Variants in FRMD3 observed in about 807,000 individuals in gnomAD.
FRMD3 encodes the protein FERM domain containing 3.
FRMD3 carries 33 observed loss-of-function variants against 70.2 expected under a neutral mutation model. The ratio of observed to expected loss-of-function variants is 0.47; its 90% CI spans 0.36 to 0.63. The LOEUF (loss-of-function observed/expected upper bound fraction) is 0.63, where lower values mean the gene tolerates loss of function less well. Among genes scored for constraint, FRMD3 ranks in the 20% least tolerant of loss-of-function variants. The pLI is 0.00. For missense variants in FRMD3, 632 were observed against 711.4 expected (o/e 0.89, Z 1.27); for synonymous variants, 279 against 255.9 (o/e 1.09, Z -0.86).
At position 83,246,819 on chromosome 9, in the gene FRMD3, G is replaced by A. The variant is rs1832128513; in HGVS notation, c.*1099C>T. On this transcript the variant is annotated 3_prime_UTR_variant, in exon 14 of 14. Coordinates refer to ENST00000304195, the MANE Select transcript of FRMD3 (RefSeq NM_174938.6). ...ACTTAAACATGTTCATGTTAACTCAGACAGCGACTGCACTGCTCTTCACAT... is the reference window on the plus strand; with the variant it reads ...ACTTAAACATGTTCATGTTAACTCAAACAGCGACTGCACTGCTCTTCACAT... 2.0e-6 allele frequency: 2 copies of A among 985,024 alleles called. No individual in the cohort carries two copies. Among genetic ancestry groups the A allele is most frequent in the South Asian group, 9.4e-5 (2 of 21,280 alleles). The allele number at this position is 985,024 out of a possible 1,614,324, so 61.0% of individuals were successfully genotyped here.
At chr9:83,450,658 A>G (rs1013914798) in intron 1 of FRMD3, among the ~76,000 whole-genome samples, 1 of 152,166 alleles carries the variant, frequency 6.6e-6, no homozygotes, top group African/African-American at 2.4e-5. Flanking sequence ...TGGAAAGGGA[A>G]GGCTCTGACT....
intron 1 of FRMD3, among the ~76,000 whole-genome samples, chr9:83,513,555 A>C (rs1452811227): frequency 6.6e-6 from 1 of 152,248 alleles, no homozygotes; most frequent in Non-Finnish European, 1.5e-5. Context: ...CTTTTGCTTA[A>C]TCATTATATG....
chr9:83,322,792 C>T (rs1835852293), intron 6 of FRMD3, among the ~76,000 whole-genome samples: 1 of 152,200 alleles, frequency 6.6e-6, no homozygotes, highest in Non-Finnish European at 1.5e-5. Flanking sequence ...GCTGGGCAAG[C>T]TGCCTCGAAC....
intron 1 of FRMD3, among the ~76,000 whole-genome samples, chr9:83,433,448 C>T (rs1372297588): frequency 7.9e-5 from 12 of 152,202 alleles, no homozygotes. Context: ...AAGCAGCAGT[C>T]CCCAACCTTT....
intron 10 of FRMD3, among the ~76,000 whole-genome samples, chr9:83,302,022 G>T (rs1416274523): frequency 6.6e-6 from 1 of 152,194 alleles, no homozygotes; most frequent in Non-Finnish European, 1.5e-5. Flanking sequence ...TTTCAGCTGA[G>T]ATTTTTAATG....
intron 2 of FRMD3, among the ~76,000 whole-genome samples, chr9:83,376,277 C>A (rs1321960506): frequency 2.0e-5 from 3 of 151,566 alleles, no homozygotes; most frequent in African/African-American, 7.3e-5. Flanking sequence ...ATCTTCACTG[C>A]AATATTATAT....
chr9:83,243,541 C>G (rs1486006378), downstream of FRMD3, among the ~76,000 whole-genome samples: 2 of 152,154 alleles, frequency 1.3e-5, no homozygotes, highest in African/African-American at 2.4e-5. Flanking sequence ...GAGTAAGTGG[C>G]CAACCGCCAT....
In FRMD3 at chr9:83,461,807, C is replaced by A. The variant is rs1827984232; in HGVS notation, c.148-72099G>T. 2.0e-5 allele frequency among the ~76,000 whole-genome samples: 3 copies of A among 149,306 alleles called. No individual in the cohort carries two copies. The South Asian group carries it at 6.5e-4, about 32-fold the overall frequency. ...GGTTCAAGCAATTCTCCTGCCTCAG[C>A]CTCCCAAGTAACTGGGATTACAGGC... On this transcript the variant is annotated intron_variant, in intron 1 of 13. Coordinates refer to ENST00000304195, the MANE Select transcript of FRMD3 (RefSeq NM_174938.6).
intron 1 of FRMD3, among the ~76,000 whole-genome samples, chr9:83,469,851 TG>T (rs1828225879): frequency 6.6e-6 from 1 of 152,070 alleles, no homozygotes; most frequent in Non-Finnish European, 1.5e-5. Flanking sequence ...AAAACTAAGA[TG>T]GGGGGCGGGG....
intron 3 of FRMD3, 33 bp from the exon 4 acceptor site, chr9:83,349,790 G>C (rs1254564535): frequency 1.4e-5 from 22 of 1,528,432 alleles, no homozygotes; most frequent in Non-Finnish European, 1.7e-5. Flanking sequence ...CATGAGAAAA[G>C]CAGCAAAAGA....
intron 1 of FRMD3, among the ~76,000 whole-genome samples, chr9:83,512,368 C>T (rs1404910153): frequency 1.3e-5 from 2 of 152,128 alleles, no homozygotes; most frequent in Admixed American, 6.5e-5. Context: ...CAAACAGGCA[C>T]ACAAGGGGTG....
At chr9:83,425,715 G>A (rs1202728700) in intron 1 of FRMD3, among the ~76,000 whole-genome samples, 2 of 142,738 alleles carry the variant, frequency 1.4e-5, no homozygotes. Context: ...AGACCAGCCT[G>A]GCCAACATGA....
intron 1 of FRMD3, among the ~76,000 whole-genome samples, chr9:83,483,671 C>T (rs1828620998): frequency 2.0e-5 from 3 of 152,124 alleles, no homozygotes; most frequent in Non-Finnish European, 4.4e-5. Flanking sequence ...CCAGCCTGCG[C>T]AACATACTGG....
chr9:83,301,284 C>T (rs1204790441), intron 10 of FRMD3, among the ~76,000 whole-genome samples: 1 of 152,128 alleles, frequency 6.6e-6, no homozygotes, highest in Admixed American at 6.5e-5. Flanking sequence ...TGCTCTGGGT[C>T]CATCTGCACC....
In FRMD3 at chr9:83,537,743, T is replaced by C. The variant is rs1006265732; in HGVS notation, c.147+342A>G. Among the ~76,000 whole-genome samples, 3 of 152,090 alleles carry C rather than the reference T, an allele frequency of 2.0e-5. No homozygotes were observed. The highest frequency in any genetic ancestry group is 7.2e-5 in the African/African-American group (3 of 41,426). On this transcript the variant is annotated intron_variant, in intron 1 of 13. Transcript: ENST00000304195. This position sits in a 1 kb window ranked among gnomAD's most constrained non-coding sequence, Gnocchi z 4.1. ...AGGTGCCCCTCTCAGCCCTCGGAGC[T>C]CCCATCTCCTGGCGGAGTAGGGCCC...
intron 1 of FRMD3, among the ~76,000 whole-genome samples, chr9:83,524,487 A>T (rs1223361310): frequency 6.6e-6 from 1 of 152,228 alleles, no homozygotes; most frequent in African/African-American, 2.4e-5. Flanking sequence ...CAGTTCCAAG[A>T]CATCAATGTG....
chr9:83,433,063 CA>C (rs1827028682), intron 1 of FRMD3, among the ~76,000 whole-genome samples: 1 of 152,266 alleles, frequency 6.6e-6, no homozygotes, highest in South Asian at 2.1e-4. Flanking sequence ...AAAAAGACAT[CA>C]TTTTTTTCTT....
At chr9:83,306,387 C>T (rs1835137223) in intron 10 of FRMD3, among the ~76,000 whole-genome samples, 1 of 152,184 alleles carries the variant, frequency 6.6e-6, no homozygotes, top group Non-Finnish European at 1.5e-5. Flanking sequence ...CTCAAGACCT[C>T]CTGGTCCCTT....
At chr9:83,512,562 G>A (rs962012098) in intron 1 of FRMD3, among the ~76,000 whole-genome samples, 13 of 152,144 alleles carry the variant, frequency 8.5e-5, no homozygotes, top group Admixed American at 5.9e-4. Context: ...ACCCATCTGC[G>A]GAAATGACCG....
Sources: allele counts gnomAD v4.1 joint callset (sites outside exome capture counted in the v4.1 genomes callset), GRCh38; gene constraint gnomAD v4.1.1; non-coding constraint Gnocchi (gnomAD v3.1); transcripts MANE v1.5; gene names NCBI Gene and HGNC (gene_info 2026-07-23, HGNC 2026-07-21).